SV2C: variants seen among roughly 807,000 people sequenced by gnomAD.
The protein encoded by SV2C is synaptic vesicle glycoprotein 2C, also known as solute carrier family 22 member B3.
SV2C carries 49 observed loss-of-function variants against 79.7 expected under a neutral mutation model. The ratio of observed to expected loss-of-function variants is 0.61; its 90% CI spans 0.49 to 0.78. SV2C has a LOEUF of 0.78. SV2C is among the 30% of genes least tolerant of loss of function. SV2C has a pLI of 0.00. For missense variants in SV2C, 833 were observed against 912.9 expected, an observed-to-expected ratio of 0.91 and a Z score of 1.13; for synonymous variants, 334 against 333.2, an observed-to-expected ratio of 1.00 and a Z score of -0.03.
At position 76,288,635 on chromosome 5, in the gene SV2C, G is replaced by T. The variant is rs548087635; in HGVS notation, c.1138-2586G>T. Among the ~76,000 whole-genome samples the T allele has an allele frequency of 2.0e-5, 3 of 152,240 alleles. No individual in the cohort carries two copies. In the South Asian group the frequency reaches 6.2e-4, roughly 32 times the overall value. On this transcript the variant is annotated intron_variant, in intron 6 of 12. Transcript: ENST00000502798. ...TAGGGCCTCATTGCCCTACTTACCT[G>T]CCTTTTCTTCCAAAAGGGTTGAGTT...
At chr5:76,189,852 T>C (rs1309108231) in intron 2 of SV2C, among the ~76,000 whole-genome samples, 1 of 152,238 alleles carries the variant, frequency 6.6e-6, no homozygotes, top group Non-Finnish European at 1.5e-5. Context: ...GCAATGATTT[T>C]CTTTTGCAAG....
chr5:75,947,027 C>T, the SV2C span, among the ~76,000 whole-genome samples: 2 of 152,094 alleles, frequency 1.3e-5, no homozygotes, highest in East Asian at 3.9e-4. Flanking sequence ...AGTGACCATG[C>T]CTTCACGTCT....
At chr5:76,295,381 C>A (rs1747713905) in intron 8 of SV2C, among the ~76,000 whole-genome samples, 1 of 152,104 alleles carries the variant, frequency 6.6e-6, no homozygotes, top group East Asian at 1.9e-4. Context: ...AGGTCTCTGC[C>A]CTCATAACTT....
At chr5:76,280,823 G>A (rs1358301872) in intron 4 of SV2C, 1 of 386,332 alleles carries the variant, frequency 2.6e-6, no homozygotes, top group African/African-American at 2.1e-5. Flanking sequence ...AGCTTTTGGA[G>A]CCAGCAGTTG....
chr5:75,874,838 T>C, the SV2C span, among the ~76,000 whole-genome samples: 1 of 152,086 alleles, frequency 6.6e-6, no homozygotes, highest in Non-Finnish European at 1.5e-5. Context: ...CACCTAGGAA[T>C]ACAGCTAACC....
At chr5:75,866,609 A>G in the SV2C span, among the ~76,000 whole-genome samples, 1 of 152,254 alleles carries the variant, frequency 6.6e-6, no homozygotes, top group East Asian at 1.9e-4. Context: ...AGTGAAGACA[A>G]AACACCTAAG....
chr5:76,078,632 C>T (rs1044631811), upstream of SV2C: 45 of 402,232 alleles, frequency 1.1e-4, no homozygotes, highest in South Asian at 7.2e-4. Flanking sequence ...AGCCACCTAC[C>T]GGAGGCATGG....
chr5:75,878,428 G>A, the SV2C span, among the ~76,000 whole-genome samples: 8 of 152,154 alleles, frequency 5.3e-5, no homozygotes, highest in African/African-American at 1.7e-4. Flanking sequence ...ATTTTTTAAT[G>A]CATCTATACT....
chr5:76,041,378 A>G, the SV2C span, among the ~76,000 whole-genome samples: 1 of 152,262 alleles, frequency 6.6e-6, no homozygotes, highest in East Asian at 1.9e-4. Context: ...ATCCTAGCCT[A>G]CATATCCAAG....
At chr5:75,853,192 A>G in the SV2C span, among the ~76,000 whole-genome samples, 13 of 152,200 alleles carry the variant, frequency 8.5e-5, no homozygotes, top group African/African-American at 3.1e-4. Flanking sequence ...CAAAAAGTCA[A>G]TAAGGGGCAT....
At chr5:75,973,353 A>G in the SV2C span, among the ~76,000 whole-genome samples, 396 of 151,798 alleles carry the variant, frequency 2.6e-3, 3 homozygotes, top group African/African-American at 9.1e-3. Context: ...AAATTAGCCA[A>G]GTATGGTAGC....
intron 4 of SV2C, among the ~76,000 whole-genome samples, chr5:76,237,021 G>A (rs1308134444): frequency 1.3e-5 from 2 of 152,208 alleles, no homozygotes; most frequent in Non-Finnish European, 2.9e-5. Flanking sequence ...TGTGAAGAAG[G>A]TGCCTGCTTC....
chr5:76,167,959 T>A (rs1743094219), intron 2 of SV2C, among the ~76,000 whole-genome samples: 1 of 152,210 alleles, frequency 6.6e-6, no homozygotes, highest in Non-Finnish European at 1.5e-5. Context: ...ATTCATGGAA[T>A]CCACATTCAT....
rs188724890 is a variant in SV2C, at chr5:76,340,953, G to A, written c.2001-12177G>A. On this transcript the variant is annotated intron_variant, in intron 12 of 12. Coordinates refer to the SV2C transcript ENST00000322285. ...TTTTTTTTTTTTTTTTTTCCGAGAT[G>A]GAGTTTCACTCTTGTCGCCCAGGCT... Among the ~76,000 whole-genome samples, 71 of 129,100 alleles carry A rather than the reference G, an allele frequency of 5.5e-4. 1 individual carries two copies. The highest frequency in any genetic ancestry group is 2.0e-3 in the African/African-American group (68 of 34,466). The allele number at this position is 129,100 out of a possible 152,430, so 84.7% of individuals were successfully genotyped here. A position where few individuals can be genotyped will look rare whatever the true frequency, so the allele number is the denominator to read the frequency against.
intron 3 of SV2C, among the ~76,000 whole-genome samples, chr5:76,205,912 C>G (rs979351644): frequency 4.6e-5 from 7 of 152,088 alleles, no homozygotes; most frequent in African/African-American, 1.7e-4. Flanking sequence ...GGTATGACAA[C>G]CTAAAGGTCT....
At chr5:76,087,402 C>A (rs1241215652) in intron 1 of SV2C, among the ~76,000 whole-genome samples, 1 of 152,142 alleles carries the variant, frequency 6.6e-6, no homozygotes, top group East Asian at 1.9e-4. Flanking sequence ...AACCTTGGAC[C>A]CTCTTACAAG....
chr5:76,206,664 C>T (rs1253995930), intron 3 of SV2C, among the ~76,000 whole-genome samples: 1 of 152,206 alleles, frequency 6.6e-6, no homozygotes, highest in African/African-American at 2.4e-5. Flanking sequence ...TTTGCGTAAA[C>T]ACTTAGCACA....
the SV2C span, chr5:75,911,412 C>T: frequency 9.4e-7 from 1 of 1,061,196 alleles, no homozygotes; most frequent in South Asian, 1.5e-5. Context: ...CGTCAGCACC[C>T]CCTAGTAGGC....
intron 4 of SV2C, among the ~76,000 whole-genome samples, chr5:76,239,591 G>A (rs1276190238): frequency 6.6e-6 from 1 of 152,114 alleles, no homozygotes; most frequent in African/African-American, 2.4e-5. Context: ...TTACAAGGGG[G>A]CTTACTCACT....
Sources: allele counts gnomAD v4.1 joint callset (sites outside exome capture counted in the v4.1 genomes callset), GRCh38; gene constraint gnomAD v4.1.1; transcripts MANE v1.5; gene names NCBI Gene and HGNC (gene_info 2026-07-23, HGNC 2026-07-21).